PTPRM: variants seen among roughly 807,000 people sequenced by gnomAD.
PTPRM encodes protein tyrosine phosphatase receptor type M, also known as receptor-type tyrosine-protein phosphatase mu.
A neutral mutation model predicts 186.7 loss-of-function variants in PTPRM; 47 were observed. The ratio of observed to expected loss-of-function variants is 0.25; its 90% confidence interval spans 0.20 to 0.32. The LOEUF is 0.32. Ranked by LOEUF, PTPRM falls within the 10% of genes least tolerant of loss-of-function variation. PTPRM has a pLI of 1.00. For synonymous variants in PTPRM, 668 were observed against 674.9 expected (o/e 0.99, Z 0.16); for missense variants, 1,494 against 1,865.0 (o/e 0.80, Z 3.66).
intron 1 of PTPRM, among the ~76,000 whole-genome samples, chr18:7,655,849 A>C (rs958296343): frequency 1.3e-5 from 2 of 152,232 alleles, no homozygotes; most frequent in Non-Finnish European, 2.9e-5. Flanking sequence ...AACTATGTAC[A>C]TAGGAAAAAG....
intron 1 of PTPRM, among the ~76,000 whole-genome samples, chr18:7,629,646 C>T (rs2038144694): frequency 6.6e-6 from 1 of 152,076 alleles, no homozygotes; most frequent in Admixed American, 6.6e-5. Flanking sequence ...AAAAAGTAGA[C>T]ATATAGGTGT....
At chr18:7,920,032 T>G (rs999769823) in intron 4 of PTPRM, among the ~76,000 whole-genome samples, 1 of 152,110 alleles carries the variant, frequency 6.6e-6, no homozygotes, top group South Asian at 2.1e-4. Flanking sequence ...TCCAGTTAGA[T>G]GGAGTATCTT....
intron 7 of PTPRM, among the ~76,000 whole-genome samples, chr18:8,031,934 G>A (rs1030712244): frequency 2.7e-4 from 41 of 152,186 alleles, no homozygotes; most frequent in African/African-American, 9.2e-4. Context: ...GCCAAATACA[G>A]TGACCATCAG....
chr18:8,056,425 G>A (rs1600293734), intron 7 of PTPRM, among the ~76,000 whole-genome samples: 1 of 151,974 alleles, frequency 6.6e-6, no homozygotes, highest in African/African-American at 2.4e-5. Context: ...CCAGGAGTTC[G>A]AGACCAGCCT....
intron 1 of PTPRM, among the ~76,000 whole-genome samples, chr18:7,630,029 A>C (rs917390525): frequency 3.2e-4 from 48 of 152,162 alleles, no homozygotes; most frequent in Middle Eastern, 3.4e-3. Flanking sequence ...GTGGAGAGGG[A>C]TGCCATTTAC....
intron 22 of PTPRM, among the ~76,000 whole-genome samples, chr18:8,329,050 G>A (rs1314433422): frequency 6.6e-6 from 1 of 152,222 alleles, no homozygotes; most frequent in Non-Finnish European, 1.5e-5. Flanking sequence ...CCTCTAATAA[G>A]AGAACCAAAA....
chr18:8,226,860 T>C (rs138570293), intron 14 of PTPRM, among the ~76,000 whole-genome samples: 166 of 152,304 alleles, frequency 1.1e-3, no homozygotes, highest in African/African-American at 3.9e-3. Context: ...TCCTGGCCTT[T>C]TTTCCACTTC....
intron 1 of PTPRM, among the ~76,000 whole-genome samples, chr18:7,575,453 T>C (rs1222938206): frequency 6.6e-6 from 1 of 152,230 alleles, no homozygotes; most frequent in Non-Finnish European, 1.5e-5. Context: ...AATTGAGTTC[T>C]TTAGTGGGAG....
At chr18:8,084,501 T>G (rs900501052) in intron 9 of PTPRM, among the ~76,000 whole-genome samples, 7 of 152,162 alleles carry the variant, frequency 4.6e-5, no homozygotes, top group African/African-American at 1.7e-4. Context: ...TTAATATATA[T>G]AGCAAACAGT....
chr18:7,612,177 CTGTG>C (rs367874001), intron 1 of PTPRM, among the ~76,000 whole-genome samples: 1 of 149,160 alleles, frequency 6.7e-6, no homozygotes, highest in Non-Finnish European at 1.5e-5. Context: ...TGTATGTGCT[CTGTG>C]TGTGTGTGTG....
intron 14 of PTPRM, among the ~76,000 whole-genome samples, chr18:8,172,176 G>C (rs976119268): frequency 1.4e-4 from 22 of 152,032 alleles, no homozygotes; most frequent in Admixed American, 1.4e-3. Context: ...CTACGTGGCT[G>C]GGGAGGCCTC....
chr18:8,401,386 T>C (rs2095871348), intron 32 of PTPRM, among the ~76,000 whole-genome samples: 1 of 152,168 alleles, frequency 6.6e-6, no homozygotes, highest in Admixed American at 6.5e-5. Context: ...GATGAGAATT[T>C]ATTGGTCTCC....
At chr18:7,653,363 G>C (rs552315280) in intron 1 of PTPRM, among the ~76,000 whole-genome samples, 1 of 152,108 alleles carries the variant, frequency 6.6e-6, no homozygotes, top group East Asian at 1.9e-4. Flanking sequence ...GTATAGCTTT[G>C]TTATATAGGT....
intron 21 of PTPRM, among the ~76,000 whole-genome samples, chr18:8,315,331 T>C (rs904807833): frequency 2.0e-5 from 3 of 152,238 alleles, no homozygotes; most frequent in Non-Finnish European, 4.4e-5. Context: ...CACTGCACTT[T>C]TAAGTTGTCT....
chr18:8,354,219 A>C (rs2095551668), intron 23 of PTPRM, among the ~76,000 whole-genome samples: 3 of 151,812 alleles, frequency 2.0e-5, no homozygotes, highest in Admixed American at 2.0e-4. Flanking sequence ...TCTTAAAAAA[A>C]AAAAAAGTAT....
rs565152701 is a variant in PTPRM, at chr18:8,230,336, C to T, written c.2301-13722C>T. Among the ~76,000 whole-genome samples, 44 of 152,288 alleles carry T rather than the reference C, an allele frequency of 2.9e-4. No homozygotes were observed. The South Asian group carries it at 8.3e-3, about 29-fold the overall frequency. The stretch of plus-strand genomic sequence containing the variant: ...AGAGTGGGCTTCTTAAGTGATGATA[C>T]AGTTAGCGATGTTAGAAGAACACTT... On this transcript the variant is annotated intron_variant, in intron 14 of 32. Coordinates refer to ENST00000580170, the MANE Select transcript of PTPRM (RefSeq NM_001105244.2).
At chr18:8,121,574 T>G (rs1309395150) in intron 13 of PTPRM, among the ~76,000 whole-genome samples, 1 of 152,238 alleles carries the variant, frequency 6.6e-6, no homozygotes, top group South Asian at 2.1e-4. Flanking sequence ...ATGTTAACCA[T>G]GATAACTATA....
At chr18:8,055,897 C>A (rs2087892372) in intron 7 of PTPRM, among the ~76,000 whole-genome samples, 1 of 152,162 alleles carries the variant, frequency 6.6e-6, no homozygotes, top group African/African-American at 2.4e-5. Flanking sequence ...ATGGCTTAAT[C>A]TTTGGATGCC....
chr18:7,594,713 G>A (rs2037212764), intron 1 of PTPRM, among the ~76,000 whole-genome samples: 1 of 152,020 alleles, frequency 6.6e-6, no homozygotes. Flanking sequence ...CAACAGAATG[G>A]GTGATGCTCT....
Sources: gnomAD v4.1 joint callset for allele counts (sites outside exome capture counted in the v4.1 genomes callset) on GRCh38, gnomAD v4.1.1 for gene constraint, MANE v1.5 for transcripts, NCBI Gene and HGNC (gene_info 2026-07-23, HGNC 2026-07-21) for gene names.